The following AREL1 variants were observed in gnomAD, a reference collection of about 807,000 sequenced individuals.
AREL1 encodes apoptosis resistant E3 ubiquitin protein ligase 1.
AREL1 carries 62 observed loss-of-function variants against 99.0 expected under a neutral mutation model. That is an observed-to-expected ratio of 0.63 (90% confidence interval 0.51 to 0.77). The LOEUF is 0.77. Ranked by LOEUF, AREL1 falls within the 30% of genes least tolerant of loss-of-function variation. AREL1 has a pLI of 0.00. For missense variants in AREL1, 879 were observed against 1,027.6 expected, an observed-to-expected ratio of 0.86 and a Z score of 1.98; for synonymous variants, 380 against 376.5, an observed-to-expected ratio of 1.01 and a Z score of -0.11.
rs1566679635 is a variant in AREL1, at chr14:74,669,671, T to C, written c.1892A>G (p.Asn631Ser). Residue 631 changes from asparagine to serine, a missense_variant, in exon 15 of 20, where the codon AAT becomes AGT. Transcript: ENST00000356357. ...CACCTTATCCAATTGACCTGATTTA[T>C]TATATTTCTCTTCTGCAAAGACCAG... ...MELVFAEEKYNKSGQLDKVVE... is the reference protein window; with the variant it reads ...MELVFAEEKYSKSGQLDKVVE... 3.1e-6 allele frequency: 5 copies of C among 1,614,142 alleles called. No individual in the cohort carries two copies. The highest frequency in any genetic ancestry group is 1.1e-5 in the South Asian group (1 of 91,084).
At chr14:74,672,545 G>A (rs191408837) in intron 11 of AREL1, among the ~76,000 whole-genome samples, 7 of 152,062 alleles carry the variant, frequency 4.6e-5, no homozygotes, top group Non-Finnish European at 7.4e-5. Context: ...GAGACCAGCC[G>A]GAGCAATATG....
chr14:74,673,326 T>C (rs2089399775), intron 9 of AREL1, 108 bp from the exon 10 acceptor site: 7 of 1,152,372 alleles, frequency 6.1e-6, no homozygotes, highest in Non-Finnish European at 8.5e-6. Context: ...TAGGCTTGTT[T>C]TCTCCAAATG....
Position 74,683,517 on chromosome 14 carries a change from C to T in AREL1, c.260G>A (p.Gly87Glu), listed in dbSNP as rs1489604754. ...AGGCCGATGTGCAGGGAAAGGCTGC[C>T]CGTTCTTATAGAATAACTGCCATGG... ...AFRVHLFYKNGQPFPAHRPVG... is the reference protein window; with the variant it reads ...AFRVHLFYKNEQPFPAHRPVG... The change falls in exon 5 of 20, where the codon GGG becomes GAG. Residue 87 changes from glycine to glutamate, a missense_variant. Transcript: ENST00000356357. 20 of 1,613,872 alleles carry T rather than the reference C, an allele frequency of 1.2e-5. 1 individual carries two copies. In the Admixed American group the frequency reaches 1.7e-4, roughly 13 times the overall value.
chr14:74,684,699 A>G lies in AREL1; in HGVS notation c.17-19T>C. On this transcript the variant is annotated intron_variant, in intron 3 of 19. Transcript: ENST00000356357. Reference sequence around the variant, plus strand: ...ATTCCACCTATGCAAAAGAGAGAACACACAAACCGCCTGCCAGTTACACAT... The same window carrying G: ...ATTCCACCTATGCAAAAGAGAGAACGCACAAACCGCCTGCCAGTTACACAT... 6.2e-7 allele frequency: 1 copy of G among 1,608,898 alleles called. No homozygotes were observed. Among genetic ancestry groups the G allele is most frequent in the Non-Finnish European group, 8.5e-7 (1 of 1,175,652 alleles).
chr14:74,669,106 G>GATGGTCTTGAACTC (rs2089272914), intron 15 of AREL1, among the ~76,000 whole-genome samples: 1 of 152,128 alleles, frequency 6.6e-6, no homozygotes, highest in African/African-American at 2.4e-5. Context: ...AGTTGCCCAG[G>GATGGTCTTGAACTC]CTGGTCTTGA....
Position 74,669,986 on chromosome 14 carries a change from A to C in AREL1, c.1749T>G (p.Ser583=). The stretch of plus-strand genomic sequence containing the variant: ...GCAGTCCTATGATTTGGGCCAGGAA[A>C]GAGCGGGTGAAGCGAGCTCGGACCA... The part of the protein sequence containing the change: ...KQLVRARFTR[S]FLAQIIGLRM... Residue 583 remains serine (S), a synonymous_variant, in exon 14 of 20, where the codon TCT becomes TCG. Transcript: ENST00000356357. The C allele has an allele frequency of 6.2e-7, 1 of 1,613,754 alleles. No individual in the cohort carries two copies.
chr14:74,695,139 T>C (rs1594775436), intron 1 of AREL1, among the ~76,000 whole-genome samples: 1 of 151,024 alleles, frequency 6.6e-6, no homozygotes, highest in African/African-American at 2.4e-5. Context: ...TGGCATGATC[T>C]TGGCTCACTG....
chr14:74,666,718 A>ATTTTTT (rs71449202), intron 17 of AREL1, among the ~76,000 whole-genome samples: 1 of 132,000 alleles, frequency 7.6e-6, no homozygotes, highest in African/African-American at 2.9e-5. Flanking sequence ...CTACTCATTG[A>ATTTTTT]TTTTTTTTTT....
chr14:74,662,830 G>A lies in AREL1; in HGVS notation c.*890C>T, dbSNP rs1297265478. ...AATTTTCTTCAGTAGAATGCTAAAG[G>A]ATCCCCAGCTTTTAGCAGACTACAT... On this transcript the variant is annotated 3_prime_UTR_variant, in exon 20 of 20. Transcript: ENST00000356357. The A allele has an allele frequency of 3.7e-5, 14 of 380,604 alleles. No homozygotes were observed. The East Asian group carries it at 4.1e-4, about 11-fold the overall frequency. The allele number at this position is 380,604 out of a possible 1,614,324, so 23.6% of individuals were successfully genotyped here.
At position 74,662,347 on chromosome 14, in the gene AREL1, A is replaced by T. The variant is rs529423446; in HGVS notation, c.*1373T>A. 2.7e-6 allele frequency: 1 copy of T among 376,842 alleles called. No individual in the cohort carries two copies. The highest frequency in any genetic ancestry group is 4.7e-6 in the Non-Finnish European group (1 of 212,488). The allele number at this position is 376,842 out of a possible 1,614,324, so 23.3% of individuals were successfully genotyped here. On this transcript the variant is annotated 3_prime_UTR_variant, in exon 20 of 20. Coordinates refer to ENST00000356357, the MANE Select transcript of AREL1 (RefSeq NM_001039479.2). Reference sequence around the variant, plus strand: ...GTACTTGCTGGTTTTGGCAATAAAGATGGCTTGTAATATTCTCAGAGTTGA... The same window carrying T: ...GTACTTGCTGGTTTTGGCAATAAAGTTGGCTTGTAATATTCTCAGAGTTGA...
rs537362781 is a variant in AREL1 at position 74,712,447 on chromosome 14, T to C, written c.-334+486A>G. 9.2e-5 allele frequency among the ~76,000 whole-genome samples: 14 copies of C among 152,292 alleles called. No individual in the cohort carries two copies. The East Asian group carries it at 1.2e-3, about 13-fold the overall frequency. ...AAAAGTTAAGAACCACTGGAATACA[T>C]AGCAGGTACTCAAAGAAAAAAGCTA... On this transcript the variant is annotated intron_variant, in intron 1 of 19. Coordinates refer to ENST00000356357, the MANE Select transcript of AREL1 (RefSeq NM_001039479.2).
chr14:74,676,920 C>G lies in AREL1; in HGVS notation c.482-168G>C, dbSNP rs1204331271. On this transcript the variant is annotated intron_variant, in intron 5 of 19. Transcript: ENST00000356357. Reference sequence around the variant, plus strand: ...CATGCCATTCTCCTGCCTCAGCCTCCCGAGTAGCTGGGACTATAGGTGCCC... The same window carrying G: ...CATGCCATTCTCCTGCCTCAGCCTCGCGAGTAGCTGGGACTATAGGTGCCC... Among the ~76,000 whole-genome samples the G allele has an allele frequency of 5.9e-5, 9 of 152,146 alleles. No homozygotes were observed. In the East Asian group the frequency reaches 1.7e-3, roughly 30 times the overall value.
At chr14:74,673,248 A>G (rs369397490) in intron 9 of AREL1, 30 bp from the exon 10 acceptor site, 28 of 1,611,084 alleles carry the variant, frequency 1.7e-5, no homozygotes, top group Non-Finnish European at 2.1e-5. Context: ...AAATTAATCT[A>G]TAAAACCCTC....
chr14:74,712,758 G>C, intron 1 of AREL1, 175 bp downstream of exon 1: 1 of 342,034 alleles, frequency 2.9e-6, no homozygotes, highest in Non-Finnish European at 5.7e-6. Flanking sequence ...ACAGCCTCAG[G>C]GCTGGACCAT....
chr14:74,672,713 C>T, intron 11 of AREL1, 118 bp downstream of exon 11: 2 of 1,388,840 alleles, frequency 1.4e-6, no homozygotes, highest in Admixed American at 1.9e-5. Context: ...CCAGCCTGGG[C>T]AATAGAGTGA....
rs2089073883 is a variant in AREL1 at position 74,661,416 on chromosome 14, T to C, written c.*2304A>G. On this transcript the variant is annotated 3_prime_UTR_variant, in exon 20 of 20. Transcript: ENST00000356357. ...CTCCTAGGTATTCACTCATGTCTGG[T>C]CTCCTTCAAAGACGCTAAAAGGCCA... 1 of 437,198 alleles carries C rather than the reference T, an allele frequency of 2.3e-6. No homozygotes were observed. 27.1% of individuals were successfully genotyped at this position (437,198 alleles called of 1,614,324 possible).
Position 74,692,302 on chromosome 14 carries a change from T to C in AREL1, c.-307A>G. Reference sequence around the variant, plus strand: ...GACTTCTCTCTAGTGCAGGGTGCAATCGACTGCCAAAGGACGCCCCAGGAT... The same window carrying C: ...GACTTCTCTCTAGTGCAGGGTGCAACCGACTGCCAAAGGACGCCCCAGGAT... On this transcript the variant is annotated 5_prime_UTR_variant, in exon 2 of 20. Transcript: ENST00000356357. 2.2e-6 allele frequency: 1 copy of C among 453,752 alleles called. No individual in the cohort carries two copies. The highest frequency in any genetic ancestry group is 1.6e-5 in the South Asian group (1 of 63,794). The allele number at this position is 453,752 out of a possible 1,614,324, so 28.1% of individuals were successfully genotyped here. A position where few individuals can be genotyped will look rare whatever the true frequency, so the allele number is the denominator to read the frequency against.
At chr14:74,675,646 A>T (rs755919486) in intron 8 of AREL1, 53 bp downstream of exon 8, 2 of 1,583,546 alleles carry the variant, frequency 1.3e-6, no homozygotes, top group Non-Finnish European at 1.7e-6. Context: ...CCAAATACCA[A>T]TTACACACAG....
chr14:74,683,911 A>G (rs755570158), intron 4 of AREL1, among the ~76,000 whole-genome samples: 1 of 152,230 alleles, frequency 6.6e-6, no homozygotes. Flanking sequence ...AGCACTGGCA[A>G]TGAGTGAACT....
Sources: gnomAD v4.1 joint callset for allele counts (sites outside exome capture counted in the v4.1 genomes callset) on GRCh38, gnomAD v4.1.1 for gene constraint, MANE v1.5 for transcripts, NCBI Gene and HGNC (gene_info 2026-07-23, HGNC 2026-07-21) for gene names.